LRP8: variants seen among roughly 807,000 people sequenced by gnomAD.
LRP8 encodes low-density lipoprotein receptor-related protein 8.
LRP8 carries 46 observed loss-of-function variants against 111.6 expected under a neutral mutation model. The observed-to-expected ratio is 0.41, with a 90% CI of 0.33 to 0.53. The LOEUF (loss-of-function observed/expected upper bound fraction) is 0.53, where lower values mean the gene tolerates loss of function less well. Among genes scored for constraint, LRP8 ranks in the 20% least tolerant of loss-of-function variants. The pLI is 0.20. For missense variants in LRP8, 959 were observed against 1,297.4 expected (o/e 0.74, Z 4.01); for synonymous variants, 464 against 511.2 (o/e 0.91, Z 1.24).
At chr1:53,257,514 T>G in intron 14 of LRP8, 50 bp from the exon 15 acceptor site, 2 of 1,439,628 alleles carry the variant, frequency 1.4e-6, no homozygotes, top group African/African-American at 1.4e-5. Context: ...TTTTGTTGCC[T>G]AAGGTATTGC....
At chr1:53,310,736 A>G (rs1188886894) in intron 2 of LRP8, among the ~76,000 whole-genome samples, 17 of 152,202 alleles carry the variant, frequency 1.1e-4, no homozygotes, top group East Asian at 1.9e-4. Flanking sequence ...TCTTGGAACC[A>G]ATTGTTGTAT....
rs533095649 is a variant in LRP8, at chr1:53,327,479, A to G, written c.124+310T>C. 114 of 293,446 alleles carry G rather than the reference A, an allele frequency of 3.9e-4. 1 individual carries two copies. The highest frequency in any genetic ancestry group is 2.3e-3 in the African/African-American group (106 of 45,672). 18.2% of individuals were successfully genotyped at this position (293,446 alleles called of 1,614,324 possible). On this transcript the variant is annotated intron_variant, in intron 1 of 18. Transcript: ENST00000306052. ...GGAGCGCGCGTGTCAAATAAACCCC[A>G]ACGGCGAGAATCACACAGCTCATCC...
At chr1:53,314,592 A>C (rs1014031025) in intron 2 of LRP8, among the ~76,000 whole-genome samples, 2 of 152,226 alleles carry the variant, frequency 1.3e-5, no homozygotes, top group African/African-American at 4.8e-5. Context: ...GGAGAGCTGC[A>C]GGAGACAGAT....
At chr1:53,311,778 C>A (rs575378921) in intron 2 of LRP8, among the ~76,000 whole-genome samples, 1 of 152,338 alleles carries the variant, frequency 6.6e-6, no homozygotes, top group East Asian at 1.9e-4. Context: ...CACGCCACGG[C>A]CACAGCCCAG....
At position 53,262,775 on chromosome 1, in the gene LRP8, C is replaced by T. The variant is rs939169340; in HGVS notation, c.1656-211G>A. 5.9e-5 allele frequency among the ~76,000 whole-genome samples: 9 copies of T among 152,160 alleles called. No homozygotes were observed. Among genetic ancestry groups the T allele is most frequent in the Admixed American group, 1.3e-4 (2 of 15,282 alleles). The stretch of plus-strand genomic sequence containing the variant: ...TGAGAACTTGAGGAAAACTATTCTC[C>T]GAGATTGCACCCAGACTCAGCTGAA... On this transcript the variant is annotated intron_variant, in intron 10 of 18. Transcript: ENST00000306052. This position sits in a 1 kb window ranked among gnomAD's most constrained non-coding sequence, Gnocchi z 4.8.
chr1:53,280,259 A>G (rs1433043634), intron 4 of LRP8, among the ~76,000 whole-genome samples: 2 of 152,202 alleles, frequency 1.3e-5, no homozygotes, highest in Non-Finnish European at 2.9e-5. Flanking sequence ...CAGACATGGT[A>G]ACAAAAGCTC....
chr1:53,278,684 T>C (rs1647006631), intron 4 of LRP8, among the ~76,000 whole-genome samples: 1 of 151,768 alleles, frequency 6.6e-6, no homozygotes, highest in South Asian at 2.1e-4. Flanking sequence ...CCTTCCTGCC[T>C]GTCCCCACCC....
rs1327553100 is a variant in LRP8, at chr1:53,246,851, A to G, written c.*167T>C. 1 of 607,006 alleles carries G rather than the reference A, an allele frequency of 1.6e-6. No individual in the cohort carries two copies. Among genetic ancestry groups the G allele is most frequent in the Admixed American group, 3.8e-5 (1 of 26,046 alleles). 37.6% of individuals were successfully genotyped at this position (607,006 alleles called of 1,614,324 possible). On this transcript the variant is annotated 3_prime_UTR_variant, in exon 19 of 19. Coordinates refer to ENST00000306052, the MANE Select transcript of LRP8 (RefSeq NM_004631.5). The stretch of plus-strand genomic sequence containing the variant: ...ATCCTTTGGATGTTTGCAGTTCATC[A>G]TAACTTTGTGGTTACCTTTCCGCAA...
chr1:53,281,136 C>T (rs937406514), intron 3 of LRP8, among the ~76,000 whole-genome samples: 14 of 152,192 alleles, frequency 9.2e-5, no homozygotes, highest in African/African-American at 2.7e-4. Context: ...GTTTGCCTTC[C>T]AGATCAGTGA....
In LRP8 at chr1:53,306,817, G is replaced by C. The variant is rs115252812; in HGVS notation, c.245-17128C>G. Among the ~76,000 whole-genome samples the C allele has an allele frequency of 3.4e-3, 524 of 152,316 alleles. 5 individuals carry two copies. Among genetic ancestry groups the C allele is most frequent in the African/African-American group, 0.012 (508 of 41,568 alleles). On this transcript the variant is annotated intron_variant, in intron 2 of 18. Transcript: ENST00000306052. The stretch of plus-strand genomic sequence containing the variant: ...CCTCAGCTTTGGCTCTGATCGTATT[G>C]TGATGCCATCTCTGGGCCAGGCCCT...
chr1:53,248,352 T>G (rs1275803222), intron 18 of LRP8, among the ~76,000 whole-genome samples: 3 of 152,236 alleles, frequency 2.0e-5, no homozygotes, highest in Admixed American at 2.0e-4. Context: ...CTAAGACAGA[T>G]CTCTAGGCCA....
intron 2 of LRP8, among the ~76,000 whole-genome samples, chr1:53,323,679 C>T (rs1423650639): frequency 1.3e-5 from 2 of 152,250 alleles, no homozygotes; most frequent in Admixed American, 1.3e-4. Flanking sequence ...CCATCTGTGT[C>T]TCCAAAGAGC....
At chr1:53,278,134 C>G (rs1247713487) in intron 4 of LRP8, among the ~76,000 whole-genome samples, 1 of 152,212 alleles carries the variant, frequency 6.6e-6, no homozygotes, top group Non-Finnish European at 1.5e-5. Context: ...GCAGCTTGCC[C>G]AGGGTCACAC....
At chr1:53,254,639 C>T (rs1046013901) in intron 16 of LRP8, among the ~76,000 whole-genome samples, 1 of 152,142 alleles carries the variant, frequency 6.6e-6, no homozygotes, top group Non-Finnish European at 1.5e-5. Flanking sequence ...CTCCCCTTAT[C>T]AGAGTTTGGC....
Position 53,279,894 on chromosome 1 carries a change from G to A in LRP8, c.496+693C>T, listed in dbSNP as rs917700938. On this transcript the variant is annotated intron_variant, in intron 4 of 18. Coordinates refer to ENST00000306052, the MANE Select transcript of LRP8 (RefSeq NM_004631.5). The surrounding 1 kb of genome is among the most constrained non-coding windows in gnomAD (Gnocchi z 4.4). ...GCCTGGCACACAGTAGGTGCCCCTCGAATTGAAAAAGTGAGGCCTGGCCAT... is the reference window on the plus strand; with the variant it reads ...GCCTGGCACACAGTAGGTGCCCCTCAAATTGAAAAAGTGAGGCCTGGCCAT... 3.9e-5 allele frequency among the ~76,000 whole-genome samples: 6 copies of A among 152,196 alleles called. No homozygotes were observed. Among genetic ancestry groups the A allele is most frequent in the African/African-American group, 1.2e-4 (5 of 41,454 alleles).
intron 2 of LRP8, among the ~76,000 whole-genome samples, chr1:53,320,335 G>A (rs937783674): frequency 6.6e-6 from 1 of 152,238 alleles, no homozygotes; most frequent in Admixed American, 6.5e-5. Context: ...GGAACAAAGA[G>A]GGTGGGGGTG....
chr1:53,327,086 A>C, intron 1 of LRP8, 94 bp from the exon 2 acceptor site: 1 of 1,534,440 alleles, frequency 6.5e-7, no homozygotes, highest in Non-Finnish European at 8.8e-7. Context: ...GCTGGGGAGG[A>C]GGAAAGGGGG....
At chr1:53,274,555 A>G in intron 6 of LRP8, 1 of 381,186 alleles carries the variant, frequency 2.6e-6, no homozygotes, top group Non-Finnish European at 5.3e-6. Context: ...CCCCATGTGA[A>G]GCCATAGGAC....
In LRP8 at chr1:53,281,152, T is replaced by C. The variant is rs192108146; in HGVS notation, c.368-437A>G. Among the ~76,000 whole-genome samples, 254 of 152,288 alleles carry C rather than the reference T, an allele frequency of 1.7e-3. 9 individuals carry two copies. In the South Asian group the frequency reaches 0.051, roughly 31 times the overall value. ...TTTGCCTTCCAGATCAGTGACTCCA[T>C]GATTGGAACCTGTAAATTTGGAGGG... On this transcript the variant is annotated intron_variant, in intron 3 of 18. Coordinates refer to ENST00000306052, the MANE Select transcript of LRP8 (RefSeq NM_004631.5).
Sources: gnomAD v4.1 joint callset for allele counts (sites outside exome capture counted in the v4.1 genomes callset) on GRCh38, gnomAD v4.1.1 for gene constraint, Gnocchi (gnomAD v3.1) non-coding constraint, MANE v1.5 for transcripts, NCBI Gene and HGNC (gene_info 2026-07-23, HGNC 2026-07-21) for gene names.